Variants in GPHN observed in about 807,000 individuals in gnomAD.
GPHN encodes the protein gephyrin.
In GPHN, 17 loss-of-function variants were observed where a neutral mutation model predicts 95.5. The ratio of observed to expected loss-of-function variants is 0.18; its 90% CI spans 0.12 to 0.27. GPHN has a LOEUF of 0.27. GPHN is among the 10% of genes least tolerant of loss of function. The probability of loss-of-function intolerance (pLI) is 1.00; values close to 1 mark genes in which losing one functional copy is unlikely to be tolerated. For missense variants in GPHN, 660 were observed against 978.1 expected (o/e 0.67, Z 4.34); for synonymous variants, 320 against 322.5 (o/e 0.99, Z 0.08).
chr14:67,323,865 C>T, the GPHN span: 6 of 930,740 alleles, frequency 6.4e-6, no homozygotes, highest in East Asian at 2.9e-5. Flanking sequence ...ATGAAACAGT[C>T]CTGGTCTAAT....
chr14:66,715,391 A>G (rs1269305248), intron 2 of GPHN, among the ~76,000 whole-genome samples: 3 of 151,886 alleles, frequency 2.0e-5, no homozygotes, highest in African/African-American at 7.3e-5. Context: ...AATCTTGCTA[A>G]TGGTCTATCA....
chr14:67,373,265 G>C, the GPHN span, among the ~76,000 whole-genome samples: 2 of 152,104 alleles, frequency 1.3e-5, no homozygotes. Flanking sequence ...TTAAATGACT[G>C]TTCTTTTTTT....
intron 1 of GPHN, among the ~76,000 whole-genome samples, chr14:66,572,635 C>G (rs2060741374): frequency 6.6e-6 from 1 of 150,932 alleles, no homozygotes; most frequent in African/African-American, 2.4e-5. Context: ...TTTACTGAAT[C>G]TTTGGTTAGT....
At chr14:67,476,202 C>G in the GPHN span, among the ~76,000 whole-genome samples, 1 of 152,228 alleles carries the variant, frequency 6.6e-6, no homozygotes, top group African/African-American at 2.4e-5. Context: ...TCAGCTGAAG[C>G]AGGCCTGGTC....
At chr14:66,642,587 G>A in intron 1 of GPHN, among the ~76,000 whole-genome samples, 1 of 149,990 alleles carries the variant, frequency 6.7e-6, no homozygotes. Flanking sequence ...ACTGGGAGTA[G>A]AAAAATTAGC....
At chr14:66,594,400 T>G (rs140056679) in intron 1 of GPHN, among the ~76,000 whole-genome samples, 1 of 152,270 alleles carries the variant, frequency 6.6e-6, no homozygotes, top group East Asian at 1.9e-4. Context: ...GGCCTCATAG[T>G]GCGTGCTTTG....
chr14:67,380,718 A>G, the GPHN span: 3 of 1,586,268 alleles, frequency 1.9e-6, no homozygotes, highest in Non-Finnish European at 2.6e-6. Flanking sequence ...GTACTCATTA[A>G]TAATATTAAT....
chr14:67,234,590 C>A, the GPHN span, among the ~76,000 whole-genome samples: 1 of 152,108 alleles, frequency 6.6e-6, no homozygotes, highest in African/African-American at 2.4e-5. Flanking sequence ...CACTCTGTCC[C>A]CCAGGCTGGA....
chr14:67,551,409 G>A, the GPHN span, among the ~76,000 whole-genome samples: 1 of 152,104 alleles, frequency 6.6e-6, no homozygotes, highest in Admixed American at 6.5e-5. Flanking sequence ...TACTTTACAT[G>A]GGGCAGCTTG....
the GPHN span, chr14:67,577,393 G>C: frequency 6.3e-7 from 1 of 1,585,574 alleles, no homozygotes; most frequent in Non-Finnish European, 8.6e-7. Context: ...CCTTGCAGAC[G>C]GAGGCCCTCA....
chr14:66,684,768 T>A (rs1231495203), intron 2 of GPHN, among the ~76,000 whole-genome samples: 1 of 152,044 alleles, frequency 6.6e-6, no homozygotes, highest in Non-Finnish European at 1.5e-5. Context: ...TTTCTTCTTA[T>A]ACTTTAAGTT....
chr14:67,582,648 T>C, the GPHN span, among the ~76,000 whole-genome samples: 1 of 12,750 alleles, frequency 7.8e-5, no homozygotes, highest in African/African-American at 1.6e-4. This position sits in a 1 kb window ranked among gnomAD's most constrained non-coding sequence, Gnocchi z 5.0. Flanking sequence ...ACCCTGTCTC[T>C]ACTGAAAAAA....
intron 10 of GPHN, among the ~76,000 whole-genome samples, chr14:67,042,612 T>G (rs977918248): frequency 6.6e-6 from 1 of 152,238 alleles, no homozygotes; most frequent in South Asian, 2.1e-4. Context: ...ACCAGTATCA[T>G]GCTGTTTTGG....
the GPHN span, chr14:67,474,026 C>T: frequency 3.6e-6 from 5 of 1,394,198 alleles, no homozygotes; most frequent in East Asian, 1.3e-4. Flanking sequence ...GCCGAGGCGG[C>T]GGATCACTTG....
chr14:67,225,926 AGTGTGTGTGTGT>A, the GPHN span, among the ~76,000 whole-genome samples: 2 of 136,630 alleles, frequency 1.5e-5, no homozygotes, highest in African/African-American at 5.5e-5. Flanking sequence ...TAATGCTGTG[AGTGTGTGTGTGT>A]GTGTGTGTGT....
At chr14:67,488,950 C>T in the GPHN span, among the ~76,000 whole-genome samples, 2 of 152,170 alleles carry the variant, frequency 1.3e-5, no homozygotes, top group African/African-American at 2.4e-5. Context: ...GATGATGGTG[C>T]ACCTCTCCCT....
intron 1 of GPHN, among the ~76,000 whole-genome samples, chr14:66,526,677 T>C (rs531106045): frequency 8.9e-4 from 135 of 152,344 alleles, no homozygotes; most frequent in Non-Finnish European, 1.7e-3. Context: ...TATTAGTTTT[T>C]AGCATGAAGG....
chr14:67,525,393 T>C, the GPHN span, among the ~76,000 whole-genome samples: 1 of 152,272 alleles, frequency 6.6e-6, no homozygotes, highest in Non-Finnish European at 1.5e-5. Context: ...TATTTCATTT[T>C]CTAGATGAAT....
intron 14 of GPHN, among the ~76,000 whole-genome samples, chr14:67,110,720 A>T (rs1372492956): frequency 1.3e-5 from 2 of 151,312 alleles, no homozygotes; most frequent in Non-Finnish European, 3.0e-5. Flanking sequence ...TTTAACAAAG[A>T]GCACTTGGGC....
Sources: allele counts gnomAD v4.1 joint callset (sites outside exome capture counted in the v4.1 genomes callset), GRCh38; gene constraint gnomAD v4.1.1; non-coding constraint Gnocchi (gnomAD v3.1); transcripts MANE v1.5; gene names NCBI Gene and HGNC (gene_info 2026-07-23, HGNC 2026-07-21).